Variants in BCR observed in about 807,000 individuals in gnomAD.
BCR encodes BCR activator of RhoGEF and GTPase, also known as breakpoint cluster region protein.
Under a neutral mutation model 138.6 loss-of-function variants are expected in BCR, and 58 were observed. That is an observed-to-expected ratio of 0.42 (90% CI 0.34 to 0.52). The LOEUF (loss-of-function observed/expected upper bound fraction) is 0.52, where lower values mean the gene tolerates loss of function less well. Among genes scored for constraint, BCR ranks in the 20% least tolerant of loss-of-function variants. BCR has a pLI of 0.06. For synonymous variants in BCR, 786 were observed against 730.1 expected (o/e 1.08, Z -1.23); for missense variants, 1,599 against 1,727.2 (o/e 0.93, Z 1.32).
At chr22:23,218,856 A>AGC (rs1399566413) in intron 1 of BCR, among the ~76,000 whole-genome samples, 4 of 152,228 alleles carry the variant, frequency 2.6e-5, no homozygotes, top group Non-Finnish European at 5.9e-5. Flanking sequence ...AGTGGCTGTC[A>AGC]GCAGTTAGGA....
At chr22:23,298,968 C>CA (rs2073875244) in intron 16 of BCR, among the ~76,000 whole-genome samples, 1 of 152,178 alleles carries the variant, frequency 6.6e-6, no homozygotes, top group Admixed American at 6.5e-5. Context: ...CCTGCTGCAA[C>CA]AGACCCCCTG....
rs968052839 is a variant in BCR at position 23,291,292 on chromosome 22, G to A, written c.2782+879G>A. ...GGATTGTTGGGGAATGGGGTTGGGA[G>A]AGAGGACTAACTGCAGATGAACCCA... On this transcript the variant is annotated intron_variant, in intron 14 of 22. Coordinates refer to ENST00000305877, the MANE Select transcript of BCR (RefSeq NM_004327.4). 2.0e-5 allele frequency among the ~76,000 whole-genome samples: 3 copies of A among 152,070 alleles called. No homozygotes were observed. The South Asian group carries it at 6.3e-4, about 32-fold the overall frequency.
At chr22:23,285,309 G>T in intron 10 of BCR, 108 bp downstream of exon 10, 1 of 1,239,600 alleles carries the variant, frequency 8.1e-7, no homozygotes, top group East Asian at 2.6e-5. Flanking sequence ...CCCCAGGTCT[G>T]GTCTCTGGGA....
At chr22:23,198,280 C>T in intron 1 of BCR, 1 of 448,566 alleles carries the variant, frequency 2.2e-6, no homozygotes, top group Admixed American at 2.6e-5. Flanking sequence ...CCACCGTCGG[C>T]CTGCTCTGTT....
Position 23,221,877 on chromosome 22 carries a change from G to A in BCR, c.1280-31922G>A, listed in dbSNP as rs115346369. ...GGGGCCGAGGCAGGCAGAATCTGAG[G>A]TCAGGAGTTCGAGACCAGCCTGGCT... On this transcript the variant is annotated intron_variant, in intron 1 of 22. Transcript: ENST00000305877. Among the ~76,000 whole-genome samples, 1,289 of 152,260 alleles carry A rather than the reference G, an allele frequency of 8.5e-3. 17 individuals are homozygous for A. Among genetic ancestry groups the A allele is most frequent in the African/African-American group, 0.03 (1,233 of 41,520 alleles).
chr22:23,218,605 T>A (rs1385381882), intron 1 of BCR, among the ~76,000 whole-genome samples: 2 of 152,168 alleles, frequency 1.3e-5, no homozygotes, highest in Non-Finnish European at 2.9e-5. Flanking sequence ...TGGTGGCTGT[T>A]CTTCAGCTGT....
At chr22:23,247,057 A>G (rs561131991) in intron 1 of BCR, among the ~76,000 whole-genome samples, 12 of 152,230 alleles carry the variant, frequency 7.9e-5, no homozygotes, top group African/African-American at 2.9e-4. Flanking sequence ...TGGTTTTCCA[A>G]GCCTCTCTGG....
At chr22:23,258,013 C>A (rs2146271786) in intron 2 of BCR, among the ~76,000 whole-genome samples, 1 of 152,274 alleles carries the variant, frequency 6.6e-6, no homozygotes, top group African/African-American at 2.4e-5. Context: ...GGCCTGGAGG[C>A]TCCCACCCGT....
intron 8 of BCR, among the ~76,000 whole-genome samples, chr22:23,278,117 G>A (rs1013952108): frequency 4.6e-5 from 7 of 152,218 alleles, no homozygotes; most frequent in South Asian, 4.1e-4. Flanking sequence ...GACTTCCCAC[G>A]TGGTTGCCTC....
intron 16 of BCR, among the ~76,000 whole-genome samples, chr22:23,301,618 A>G (rs1221245027): frequency 6.6e-6 from 1 of 152,192 alleles, no homozygotes; most frequent in African/African-American, 2.4e-5. Context: ...CTCACTTCCC[A>G]AGTAACCGTG....
At chr22:23,194,546 A>G (rs1366631922) in intron 1 of BCR, among the ~76,000 whole-genome samples, 1 of 151,762 alleles carries the variant, frequency 6.6e-6, no homozygotes, top group Non-Finnish European at 1.5e-5. Flanking sequence ...GAGTAGCTGG[A>G]ACTGCAGGCG....
At chr22:23,288,202 G>A (rs1041576199) in intron 12 of BCR, 30 bp downstream of exon 12, 28 of 1,602,752 alleles carry the variant, frequency 1.7e-5, no homozygotes, top group Non-Finnish European at 2.3e-5. Flanking sequence ...AGAGGGGCTG[G>A]GCTTCAAACC....
intron 7 of BCR, 34 bp from the exon 8 acceptor site, chr22:23,273,600 C>G (rs1160983285): frequency 6.2e-7 from 1 of 1,611,906 alleles, no homozygotes; most frequent in Non-Finnish European, 8.5e-7. Context: ...CAGTGCTCCT[C>G]TGTGTCTAAC....
chr22:23,308,202 C>T (rs1488839211), intron 16 of BCR, among the ~76,000 whole-genome samples: 1 of 152,090 alleles, frequency 6.6e-6, no homozygotes, highest in Non-Finnish European at 1.5e-5. Context: ...CGTGACCTGG[C>T]TTCACTCCAG....
chr22:23,279,657 T>C (rs2073620089), intron 8 of BCR, among the ~76,000 whole-genome samples: 1 of 152,236 alleles, frequency 6.6e-6, no homozygotes, highest in Admixed American at 6.5e-5. Flanking sequence ...CTTCCTCAGC[T>C]GCTATGTGGG....
chr22:23,195,656 G>T (rs903653392), intron 1 of BCR, among the ~76,000 whole-genome samples: 1 of 152,170 alleles, frequency 6.6e-6, no homozygotes, highest in Admixed American at 6.5e-5. Flanking sequence ...GGAGGCCGAG[G>T]TGGGTGGATC....
At position 23,245,367 on chromosome 22, in the gene BCR, T is replaced by C. The variant is rs1813573200; in HGVS notation, c.1280-8432T>C. Among the ~76,000 whole-genome samples the C allele has an allele frequency of 3.9e-5, 6 of 152,252 alleles. No homozygotes were observed. In the South Asian group the frequency reaches 1.2e-3, roughly 32 times the overall value. ...CTGATTCATGACCCTGACCTCTCTCTACCCGGGCAGCTGCGGCTTTCCATT... is the reference window on the plus strand; with the variant it reads ...CTGATTCATGACCCTGACCTCTCTCCACCCGGGCAGCTGCGGCTTTCCATT... On this transcript the variant is annotated intron_variant, in intron 1 of 22. Transcript: ENST00000305877.
At chr22:23,236,375 T>C (rs1464306359) in intron 1 of BCR, among the ~76,000 whole-genome samples, 2 of 152,214 alleles carry the variant, frequency 1.3e-5, no homozygotes, top group Non-Finnish European at 2.9e-5. Context: ...GCTGTGTTGC[T>C]GACTTATGAG....
At position 23,292,602 on chromosome 22, in the gene BCR, C is replaced by T. The variant is rs755590691; in HGVS notation, c.2844C>T (p.Arg948=). The change falls in exon 15 of 23, where the codon CGC becomes CGT. Residue 948 remains arginine (R), a synonymous_variant. Coordinates refer to ENST00000305877, the MANE Select transcript of BCR (RefSeq NM_004327.4). ...ATTTTGTGAATAAAGCAAAGACGCG[C>T]GTCTACAGGGACACAGCTGAGCCAA... The part of the protein sequence containing the change: ...FGYFVNKAKT[R]VYRDTAEPNW... The T allele has an allele frequency of 4.8e-5, 77 of 1,613,182 alleles. No individual in the cohort carries two copies. The highest frequency in any genetic ancestry group is 6.0e-5 in the Non-Finnish European group (71 of 1,179,512).
Sources: allele counts gnomAD v4.1 joint callset (sites outside exome capture counted in the v4.1 genomes callset), GRCh38; gene constraint gnomAD v4.1.1; transcripts MANE v1.5; gene names NCBI Gene and HGNC (gene_info 2026-07-23, HGNC 2026-07-21).